Variants in LONP2 observed in about 807,000 individuals in gnomAD.
LONP2 encodes the protein lon protease homolog 2, peroxisomal.
A neutral mutation model predicts 85.6 loss-of-function variants in LONP2; 60 were observed. The ratio of observed to expected loss-of-function variants is 0.70; its 90% CI spans 0.57 to 0.87. The LOEUF is 0.87. Ranked by LOEUF, LONP2 falls within the 40% of genes least tolerant of loss-of-function variation. The pLI is 0.00. For synonymous variants in LONP2, 395 were observed against 389.7 expected (o/e 1.01, Z -0.16); for missense variants, 860 against 1,063.5 (o/e 0.81, Z 2.66).
intron 12 of LONP2, among the ~76,000 whole-genome samples, chr16:48,341,169 G>A (rs762830404): frequency 4.3e-4 from 65 of 151,986 alleles, no homozygotes; most frequent in Middle Eastern, 3.2e-3. Context: ...GCGTGGTGGC[G>A]CACACCTGTA....
intron 8 of LONP2, among the ~76,000 whole-genome samples, chr16:48,289,213 G>A (rs1271577778): frequency 1.3e-5 from 2 of 152,186 alleles, no homozygotes; most frequent in South Asian, 4.1e-4. Flanking sequence ...TTTGGCCAAG[G>A]TTGAGGACGC....
chr16:48,296,051 C>T lies in LONP2; in HGVS notation c.1420C>T (p.His474Tyr), dbSNP rs200581559. The T allele has an allele frequency of 6.2e-7, 1 of 1,614,152 alleles. No homozygotes were observed. The highest frequency in any genetic ancestry group is 8.5e-7 in the Non-Finnish European group (1 of 1,180,008). Residue 474 changes from histidine to tyrosine, a missense_variant, in exon 9 of 15, where the codon CAT becomes TAT. By Grantham distance (83) the His-to-Tyr change is moderately conservative. Coordinates refer to ENST00000285737, the MANE Select transcript of LONP2 (RefSeq NM_031490.5). ...DPEQNHNFTD[H>Y]YLNVAFDLSQ... ...TGAACAAAACCATAACTTCACAGATCATTATCTAAATGTGGCCTTTGACCT... is the reference window on the plus strand; with the variant it reads ...TGAACAAAACCATAACTTCACAGATTATTATCTAAATGTGGCCTTTGACCT...
At chr16:48,327,598 C>T (rs572559666) in intron 11 of LONP2, among the ~76,000 whole-genome samples, 33 of 152,230 alleles carry the variant, frequency 2.2e-4, no homozygotes, top group African/African-American at 7.5e-4. Context: ...GCTGGGATTA[C>T]AGGCACCTGC....
intron 3 of LONP2, among the ~76,000 whole-genome samples, chr16:48,257,094 T>C (rs1166432703): frequency 6.6e-6 from 1 of 152,100 alleles, no homozygotes; most frequent in Non-Finnish European, 1.5e-5. Flanking sequence ...GGTGGATCGC[T>C]TGAGATCAGG....
In LONP2 at chr16:48,356,225, TCA is replaced by T. The variant is rs1453698854; in HGVS notation, c.*4426_*4427del. On this transcript the variant is annotated 3_prime_UTR_variant, in exon 15 of 15. Coordinates refer to ENST00000285737, the MANE Select transcript of LONP2 (RefSeq NM_031490.5). ...CCAGTACTAGGTGATTGGTCTGCAT[TCA>T]CAGTGACCAAAATCAGCTATGTGGC... The T allele has an allele frequency of 2.0e-5, 3 of 152,622 alleles. No individual in the cohort carries two copies. The highest frequency in any genetic ancestry group is 7.2e-5 in the African/African-American group (3 of 41,450). The allele number at this position is 152,622 out of a possible 1,614,324, so 9.5% of individuals were successfully genotyped here. A position where few individuals can be genotyped will look rare whatever the true frequency, so the allele number is the denominator to read the frequency against.
intron 3 of LONP2, among the ~76,000 whole-genome samples, chr16:48,258,345 CAAA>C (rs75252938): frequency 9.3e-6 from 1 of 107,686 alleles, no homozygotes. Context: ...GATTCCGTCT[CAAA>C]AAAAAAAAGA....
At chr16:48,306,150 TATAAC>T (rs1211448431) in intron 11 of LONP2, among the ~76,000 whole-genome samples, 1 of 152,240 alleles carries the variant, frequency 6.6e-6, no homozygotes, top group Non-Finnish European at 1.5e-5. Context: ...TCTTGTCTGA[TATAAC>T]AGAAGGTAGA....
intron 8 of LONP2, among the ~76,000 whole-genome samples, chr16:48,289,378 G>C (rs1175662482): frequency 6.6e-6 from 1 of 152,184 alleles, no homozygotes; most frequent in Non-Finnish European, 1.5e-5. Context: ...CAGCTCTCTG[G>C]AGAGGGCTTC....
At chr16:48,247,152 C>T (rs73555651) in intron 1 of LONP2, among the ~76,000 whole-genome samples, 1 of 149,106 alleles carries the variant, frequency 6.7e-6, no homozygotes, top group Non-Finnish European at 1.5e-5. Flanking sequence ...AAGATTGTAC[C>T]ATATTCCTTG....
intron 8 of LONP2, among the ~76,000 whole-genome samples, chr16:48,285,149 C>T (rs745539352): frequency 4.6e-5 from 7 of 151,326 alleles, no homozygotes; most frequent in Non-Finnish European, 8.8e-5. Flanking sequence ...GCTTTCAGCC[C>T]TTTCGCATGT....
chr16:48,350,606 G>A (rs936193096), intron 14 of LONP2, among the ~76,000 whole-genome samples: 14 of 152,186 alleles, frequency 9.2e-5, no homozygotes, highest in African/African-American at 3.4e-4. Context: ...GGAAGGCCTG[G>A]AGCAGCCAGC....
At position 48,356,588 on chromosome 16, in the gene LONP2, AT is replaced by A. The variant is rs940490985; in HGVS notation, c.*4794del. ...GATTTATGGTCCAACACTAATGCTC[AT>A]TTTTTTTGTTTGTTTTACAAACATT... On this transcript the variant is annotated 3_prime_UTR_variant, in exon 15 of 15. Transcript: ENST00000285737. 66 of 252,756 alleles carry A rather than the reference AT, an allele frequency of 2.6e-4. No individual in the cohort carries two copies. The highest frequency in any genetic ancestry group is 6.0e-4 in the South Asian group (15 of 24,820). The allele number at this position is 252,756 out of a possible 1,614,324, so 15.7% of individuals were successfully genotyped here. A position where few individuals can be genotyped will look rare whatever the true frequency, so the allele number is the denominator to read the frequency against.
intron 4 of LONP2, among the ~76,000 whole-genome samples, chr16:48,259,783 GA>G (rs1971837982): frequency 6.6e-6 from 1 of 152,118 alleles, no homozygotes. Context: ...CAGAAAGCTG[GA>G]TTATTTCTGG....
rs1446069482 is a variant in LONP2, at chr16:48,252,007, A to G, written c.234-124A>G. On this transcript the variant is annotated intron_variant, in intron 1 of 14. Transcript: ENST00000285737. ...GGATGCTAAGTTAAATAGAGAAAAA[A>G]TTTATTTACACTTCAGATGTCTTTT... 5 of 699,194 alleles carry G rather than the reference A, an allele frequency of 7.2e-6. No individual in the cohort carries two copies. In the East Asian group the frequency reaches 1.5e-4, roughly 21 times the overall value. 43.3% of individuals were successfully genotyped at this position (699,194 alleles called of 1,614,324 possible).
chr16:48,270,332 C>T, intron 7 of LONP2, 58 bp downstream of exon 7: 2 of 1,574,660 alleles, frequency 1.3e-6, no homozygotes, highest in Non-Finnish European at 1.7e-6. Flanking sequence ...TTGACTAGAG[C>T]TCCCTAAAAG....
At chr16:48,284,477 G>A (rs1423287727) in intron 8 of LONP2, among the ~76,000 whole-genome samples, 4 of 152,096 alleles carry the variant, frequency 2.6e-5, no homozygotes, top group Non-Finnish European at 4.4e-5. Flanking sequence ...ACTTTCAGCA[G>A]CCACCACCTG....
intron 11 of LONP2, among the ~76,000 whole-genome samples, chr16:48,323,408 A>T (rs751833563): frequency 6.6e-6 from 1 of 152,176 alleles, no homozygotes; most frequent in Admixed American, 6.5e-5. Context: ...TAATCCCAGC[A>T]CTTTGGGAGG....
chr16:48,248,018 G>A (rs767071725), intron 1 of LONP2, among the ~76,000 whole-genome samples: 3 of 151,848 alleles, frequency 2.0e-5, no homozygotes, highest in Non-Finnish European at 4.4e-5. Context: ...TATAATTAAG[G>A]AACTCAATTT....
intron 4 of LONP2, among the ~76,000 whole-genome samples, chr16:48,259,717 C>G (rs1971836494): frequency 6.6e-6 from 1 of 152,150 alleles, no homozygotes; most frequent in African/African-American, 2.4e-5. Flanking sequence ...GAGATAGGAA[C>G]AGTGATGATC....
Sources: allele counts gnomAD v4.1 joint callset (sites outside exome capture counted in the v4.1 genomes callset), GRCh38; gene constraint gnomAD v4.1.1; transcripts MANE v1.5; gene names NCBI Gene and HGNC (gene_info 2026-07-23, HGNC 2026-07-21).